TYW1B: variants seen among roughly 807,000 people sequenced by gnomAD.
TYW1B encodes the protein tRNA-yW synthesizing protein 1 homolog B.
A neutral mutation model predicts 86.9 loss-of-function variants in TYW1B; 73 were observed. The observed-to-expected ratio is 0.84, with a 90% CI of 0.70 to 1.02. TYW1B has a LOEUF of 1.02. Among genes scored for constraint, TYW1B ranks in the 50% least tolerant of loss-of-function variants. The pLI is 0.00. For synonymous variants in TYW1B, 248 were observed against 292.8 expected (o/e 0.85, Z 1.56); for missense variants, 637 against 827.4 (o/e 0.77, Z 2.82).
chr7:72,710,929 G>C (rs1406882720), intron 10 of TYW1B, among the ~76,000 whole-genome samples: 1 of 152,062 alleles, frequency 6.6e-6, no homozygotes, highest in Non-Finnish European at 1.5e-5. Flanking sequence ...TCACATCTTT[G>C]ACAGAGCAGG....
At chr7:72,806,154 C>T (rs1410854038) in intron 5 of TYW1B, among the ~76,000 whole-genome samples, 3 of 151,372 alleles carry the variant, frequency 2.0e-5, no homozygotes, top group African/African-American at 4.9e-5. Context: ...GGCTCCGTTT[C>T]GCAACTTGCA....
rs554825402 is a variant in TYW1B at position 72,677,783 on chromosome 7, C to T, written c.1506+16904G>A. Among the ~76,000 whole-genome samples the T allele has an allele frequency of 1.1e-4, 17 of 152,172 alleles. No individual in the cohort carries two copies. The South Asian group carries it at 3.5e-3, about 32-fold the overall frequency. On this transcript the variant is annotated intron_variant, in intron 11 of 13. Coordinates refer to ENST00000620995, the MANE Select transcript of TYW1B (RefSeq NM_001145440.3). ...GTAGCGTGATCTTGGCTCACTGCAA[C>T]CTCCATCTCCCGGGTTCAAGTGATT...
Position 72,803,970 on chromosome 7 carries a change from C to A in TYW1B, c.724-1448G>T, listed in dbSNP as rs139759891. 2.6e-3 allele frequency among the ~76,000 whole-genome samples: 389 copies of A among 152,014 alleles called. 1 individual carries two copies. Among genetic ancestry groups the A allele is most frequent in the African/African-American group, 6.6e-3 (276 of 41,516 alleles). On this transcript the variant is annotated intron_variant, in intron 5 of 13. Coordinates refer to ENST00000620995, the MANE Select transcript of TYW1B (RefSeq NM_001145440.3). ...GTTTGTTTTCAACAGCAGGTACTTTCTCAGTAACTCAAGGGTCACTTTAAA... is the reference window on the plus strand; with the variant it reads ...GTTTGTTTTCAACAGCAGGTACTTTATCAGTAACTCAAGGGTCACTTTAAA...
chr7:72,607,096 C>T (rs371271167), intron 13 of TYW1B, among the ~76,000 whole-genome samples: 9 of 152,184 alleles, frequency 5.9e-5, no homozygotes, highest in African/African-American at 9.6e-5. Context: ...CTATTAAAAA[C>T]GGACACAATA....
intron 11 of TYW1B, among the ~76,000 whole-genome samples, chr7:72,657,959 C>T (rs2844178): frequency 6.6e-6 from 1 of 152,102 alleles, no homozygotes; most frequent in Non-Finnish European, 1.5e-5. Flanking sequence ...GTAACTATCA[C>T]AAAGTCGTTA....
In TYW1B at chr7:72,603,658, G is replaced by C. The variant is rs191490045; in HGVS notation, c.1785+13014C>G. On this transcript the variant is annotated intron_variant, in intron 13 of 13. Coordinates refer to ENST00000620995, the MANE Select transcript of TYW1B (RefSeq NM_001145440.3). ...AAACCTGACAAATACTGCCTCAGTTGGTGGATCGAGGTCAGCATTGTTAGT... is the reference window on the plus strand; with the variant it reads ...AAACCTGACAAATACTGCCTCAGTTCGTGGATCGAGGTCAGCATTGTTAGT... Among the ~76,000 whole-genome samples, 576 of 152,280 alleles carry C rather than the reference G, an allele frequency of 3.8e-3. 2 individuals are homozygous for C. The highest frequency in any genetic ancestry group is 0.013 in the African/African-American group (547 of 41,556).
chr7:72,646,526 C>T (rs1303139535), intron 11 of TYW1B, among the ~76,000 whole-genome samples: 3 of 151,876 alleles, frequency 2.0e-5, no homozygotes, highest in South Asian at 4.2e-4. Context: ...TGTGTGCCAC[C>T]GCACCTGGCT....
chr7:72,626,781 T>G (rs1162540342), intron 12 of TYW1B, among the ~76,000 whole-genome samples: 1 of 152,008 alleles, frequency 6.6e-6, no homozygotes, highest in Non-Finnish European at 1.5e-5. Flanking sequence ...AACCATCTCT[T>G]GCTTGGACTA....
intron 7 of TYW1B, among the ~76,000 whole-genome samples, chr7:72,745,992 T>G (rs1787388304): frequency 6.6e-6 from 1 of 151,766 alleles, no homozygotes; most frequent in African/African-American, 2.4e-5. Context: ...GTCTACCAAG[T>G]AGCTGGGATT....
At chr7:72,703,818 G>A (rs1222355346) in intron 10 of TYW1B, among the ~76,000 whole-genome samples, 1 of 150,306 alleles carries the variant, frequency 6.7e-6, no homozygotes, top group Non-Finnish European at 1.5e-5. Flanking sequence ...TCTCACCACT[G>A]CACTCCAGGC....
chr7:72,730,410 G>A (rs1396337646), intron 8 of TYW1B, among the ~76,000 whole-genome samples: 1 of 149,298 alleles, frequency 6.7e-6, no homozygotes, highest in East Asian at 2.0e-4. Context: ...CAGAAAACTT[G>A]AAGGTGAAGA....
At chr7:72,627,512 T>TAACATAACATAACATAACATAAATA (rs782405637) in intron 12 of TYW1B, among the ~76,000 whole-genome samples, 3 of 143,208 alleles carry the variant, frequency 2.1e-5, no homozygotes, top group Admixed American at 1.4e-4. Context: ...TAACATAACA[T>TAACATAACATAACATAACATAAATA]AAATAAAATA....
At chr7:72,698,875 A>C (rs2129570371) in intron 10 of TYW1B, among the ~76,000 whole-genome samples, 1 of 152,314 alleles carries the variant, frequency 6.6e-6, no homozygotes, top group Middle Eastern at 3.4e-3. Flanking sequence ...CTGACTGCAA[A>C]GTCCTAAGAG....
chr7:72,728,132 CACTA>C (rs1328127900), intron 9 of TYW1B, among the ~76,000 whole-genome samples: 8 of 152,020 alleles, frequency 5.3e-5, no homozygotes, highest in Non-Finnish European at 7.4e-5. Context: ...GTTTTTCCAT[CACTA>C]ACTAACATTA....
intron 11 of TYW1B, among the ~76,000 whole-genome samples, chr7:72,664,318 T>C (rs1242046800): frequency 2.0e-5 from 3 of 152,186 alleles, no homozygotes; most frequent in African/African-American, 7.2e-5. Context: ...CTAATTTCCA[T>C]AGGCTTATTT....
At chr7:72,582,681 G>C (rs1363729042) in intron 13 of TYW1B, among the ~76,000 whole-genome samples, 1 of 152,142 alleles carries the variant, frequency 6.6e-6, no homozygotes, top group Non-Finnish European at 1.5e-5. Flanking sequence ...GGTAGAGAGT[G>C]AACTGTCCAA....
chr7:72,807,683 T>C (rs531281923), intron 4 of TYW1B, among the ~76,000 whole-genome samples: 1 of 152,224 alleles, frequency 6.6e-6, no homozygotes, highest in East Asian at 1.9e-4. Context: ...AAACAGGAGT[T>C]AACAAAATAA....
chr7:72,742,105 T>C (rs1221303271), intron 8 of TYW1B, among the ~76,000 whole-genome samples: 27 of 152,180 alleles, frequency 1.8e-4, no homozygotes, highest in Admixed American at 1.8e-3. Context: ...GTTGTATTTT[T>C]GGATTTTTAT....
chr7:72,744,799 A>G (rs1255181673), intron 7 of TYW1B, among the ~76,000 whole-genome samples, 198 bp from the exon 8 acceptor site: 1 of 152,210 alleles, frequency 6.6e-6, no homozygotes, highest in Non-Finnish European at 1.5e-5. Flanking sequence ...AGCCCAATGA[A>G]ATAAACCTAT....
Sources: gnomAD v4.1 joint callset for allele counts (sites outside exome capture counted in the v4.1 genomes callset) on GRCh38, gnomAD v4.1.1 for gene constraint, MANE v1.5 for transcripts, NCBI Gene and HGNC (gene_info 2026-07-23, HGNC 2026-07-21) for gene names.